SUV39H2: variants seen among roughly 807,000 people sequenced by gnomAD.
SUV39H2 encodes the protein histone-lysine N-methyltransferase SUV39H2.
Under a neutral mutation model 47.5 loss-of-function variants are expected in SUV39H2, and 10 were observed. The observed-to-expected ratio is 0.21, with a 90% CI of 0.13 to 0.36. The LOEUF is 0.36. Ranked by LOEUF, SUV39H2 falls within the 10% of genes least tolerant of loss-of-function variation. SUV39H2 has a pLI of 1.00. For missense variants in SUV39H2, 266 were observed against 487.4 expected (o/e 0.55, Z 4.28); for synonymous variants, 159 against 166.8 (o/e 0.95, Z 0.36).
chr10:14,893,497 G>A (rs996965329), intron 2 of SUV39H2, among the ~76,000 whole-genome samples: 2 of 152,136 alleles, frequency 1.3e-5, no homozygotes, highest in Non-Finnish European at 2.9e-5. Flanking sequence ...ATCAAGAGTT[G>A]ATTACATATC....
rs759484525 is a variant in SUV39H2, at chr10:14,897,049, T to C, written c.381T>C (p.Ile127=). 5 of 1,614,090 alleles carry C rather than the reference T, an allele frequency of 3.1e-6. No homozygotes were observed. In the South Asian group the frequency reaches 4.4e-5, roughly 14 times the overall value. ...KTLKPAIAEY[I]VKKAKQRIAL... is the part of the protein sequence containing the mutation. ...TGAAACCTGCCATTGCTGAGTACAT[T>C]GTGAAGAAGGCTAAACAAAGGATAG... The change falls in exon 3 of 6, where the codon ATT becomes ATC. Residue 127 remains isoleucine, a synonymous_variant. Coordinates refer to ENST00000354919, the MANE Select transcript of SUV39H2 (RefSeq NM_001193424.2).
intron 2 of SUV39H2, among the ~76,000 whole-genome samples, chr10:14,887,509 A>C (rs1398771091): frequency 6.6e-6 from 1 of 152,250 alleles, no homozygotes; most frequent in African/African-American, 2.4e-5. Flanking sequence ...AGACATTTTA[A>C]GTGGAACTTA....
chr10:14,894,006 G>T (rs1037480820), intron 2 of SUV39H2, among the ~76,000 whole-genome samples: 8 of 152,186 alleles, frequency 5.3e-5, no homozygotes, highest in African/African-American at 1.9e-4. Context: ...AAGGACCAGG[G>T]TTGCATTGCT....
At chr10:14,887,716 G>A (rs1467674273) in intron 2 of SUV39H2, among the ~76,000 whole-genome samples, 1 of 152,144 alleles carries the variant, frequency 6.6e-6, no homozygotes, top group East Asian at 1.9e-4. Context: ...CTGATGTGAG[G>A]GTACGGTCCC....
rs1480488169 is a variant in SUV39H2 at position 14,894,529 on chromosome 10, G to C, written c.178-2317G>C. Among the ~76,000 whole-genome samples the C allele has an allele frequency of 2.7e-5, 3 of 112,470 alleles. 1 individual carries two copies. The highest frequency in any genetic ancestry group is 1.0e-4 in the African/African-American group (2 of 19,984). The allele number at this position is 112,470 out of a possible 152,430, so 73.8% of individuals were successfully genotyped here. A position where few individuals can be genotyped will look rare whatever the true frequency, so the allele number is the denominator to read the frequency against. On this transcript the variant is annotated intron_variant, in intron 2 of 5. Transcript: ENST00000354919. Reference sequence around the variant, plus strand: ...ACTACAGGCGCCCGCCACCACGCCCGGCTAATTTTTTGTATTTTTAGTAGA... The same window carrying C: ...ACTACAGGCGCCCGCCACCACGCCCCGCTAATTTTTTGTATTTTTAGTAGA...
chr10:14,888,568 G>A (rs1032677234), intron 2 of SUV39H2, among the ~76,000 whole-genome samples: 1 of 151,858 alleles, frequency 6.6e-6, no homozygotes, highest in Non-Finnish European at 1.5e-5. Context: ...CCCAGGAGGC[G>A]GAGGTTGCAG....
chr10:14,879,018 T>A, intron 1 of SUV39H2, 99 bp downstream of exon 1: 1 of 1,318,892 alleles, frequency 7.6e-7, no homozygotes, highest in Middle Eastern at 2.9e-4. Flanking sequence ...GATGGCGACG[T>A]GGCGGTTCCC....
chr10:14,892,078 G>A (rs1030005680), intron 2 of SUV39H2, among the ~76,000 whole-genome samples: 1 of 152,196 alleles, frequency 6.6e-6, no homozygotes, highest in African/African-American at 2.4e-5. Flanking sequence ...TGTCTCCATC[G>A]TGTAAGTGAT....
At chr10:14,881,808 T>C (rs1269903735) in intron 2 of SUV39H2, among the ~76,000 whole-genome samples, 163 bp downstream of exon 2, 1 of 152,226 alleles carries the variant, frequency 6.6e-6, no homozygotes, top group Admixed American at 6.5e-5. Flanking sequence ...CAAATAGCAT[T>C]GAGAGGATTT....
intron 2 of SUV39H2, among the ~76,000 whole-genome samples, chr10:14,891,437 G>C (rs1359404042): frequency 6.6e-6 from 1 of 152,164 alleles, no homozygotes; most frequent in Non-Finnish European, 1.5e-5. Context: ...AATAACAACA[G>C]GATAACTGGT....
intron 2 of SUV39H2, among the ~76,000 whole-genome samples, chr10:14,882,345 C>CT (rs1477516122): frequency 2.0e-5 from 3 of 152,176 alleles, no homozygotes; most frequent in African/African-American, 7.2e-5. Flanking sequence ...TTGTTTAAGT[C>CT]TTTATTTTCC....
chr10:14,884,132 T>C (rs902169472), intron 2 of SUV39H2, among the ~76,000 whole-genome samples: 4 of 152,264 alleles, frequency 2.6e-5, no homozygotes, highest in Admixed American at 6.5e-5. Context: ...AAGGCTGTTA[T>C]GAACATTCGC....
chr10:14,886,838 G>C lies in SUV39H2; in HGVS notation c.177+5193G>C, dbSNP rs190207956. Among the ~76,000 whole-genome samples, 6 of 152,364 alleles carry C rather than the reference G, an allele frequency of 3.9e-5. No homozygotes were observed. The East Asian group carries it at 7.7e-4, about 20-fold the overall frequency. ...AAAAGTGCTGTGGCAAACATCGTTAGAAGATCTGTGGGAGGTGCACCTTGG... is the reference window on the plus strand; with the variant it reads ...AAAAGTGCTGTGGCAAACATCGTTACAAGATCTGTGGGAGGTGCACCTTGG... On this transcript the variant is annotated intron_variant, in intron 2 of 5. Coordinates refer to ENST00000354919, the MANE Select transcript of SUV39H2 (RefSeq NM_001193424.2).
chr10:14,884,577 G>T (rs1833146453), intron 2 of SUV39H2, among the ~76,000 whole-genome samples: 3 of 152,066 alleles, frequency 2.0e-5, no homozygotes, highest in Admixed American at 2.0e-4. Context: ...TATGTGATTT[G>T]CAAAAATTTT....
At chr10:14,897,706 T>C in intron 3 of SUV39H2, 189 bp downstream of exon 3, 1 of 414,338 alleles carries the variant, frequency 2.4e-6, no homozygotes, top group Non-Finnish European at 4.1e-6. Flanking sequence ...TTTATATGAA[T>C]AAAAAATATA....
chr10:14,883,515 G>C (rs144300337), intron 2 of SUV39H2, among the ~76,000 whole-genome samples: 6,577 of 151,460 alleles, frequency 0.043, 178 homozygotes, highest in Admixed American at 0.071. Context: ...GACCAGCCTG[G>C]CCAACATAGT....
At position 14,897,271 on chromosome 10, in the gene SUV39H2, T is replaced by C; in HGVS notation, c.603T>C (p.Cys201=). Residue 201 remains cysteine, a synonymous_variant, in exon 3 of 6, where the codon TGT becomes TGC. Coordinates refer to ENST00000354919, the MANE Select transcript of SUV39H2 (RefSeq NM_001193424.2). ...CSCTDCFFQK[C]CPAEAGVLLA... is the part of the protein sequence containing the mutation. ...GCACAGATTGCTTCTTTCAAAAATG[T>C]TGTCCTGCTGAAGCTGGAGTTCTTT... The C allele has an allele frequency of 6.2e-7, 1 of 1,613,970 alleles. No homozygotes were observed. The highest frequency in any genetic ancestry group is 8.5e-7 in the Non-Finnish European group (1 of 1,180,016).
chr10:14,885,199 C>T (rs1465537298), intron 2 of SUV39H2, among the ~76,000 whole-genome samples: 1 of 152,076 alleles, frequency 6.6e-6, no homozygotes, highest in Non-Finnish European at 1.5e-5. Context: ...GGCCTTGAGC[C>T]CTTTCTGGGC....
chr10:14,893,084 G>C (rs552332966), intron 2 of SUV39H2, among the ~76,000 whole-genome samples: 4 of 149,440 alleles, frequency 2.7e-5, no homozygotes, highest in Non-Finnish European at 5.9e-5. Flanking sequence ...CTCACTGCAG[G>C]CTCCGCCCCC....
Sources: gnomAD v4.1 joint callset for allele counts (sites outside exome capture counted in the v4.1 genomes callset) on GRCh38, gnomAD v4.1.1 for gene constraint, MANE v1.5 for transcripts, NCBI Gene and HGNC (gene_info 2026-07-23, HGNC 2026-07-21) for gene names.